The following TNPO3 variants were observed in gnomAD, a reference collection of about 807,000 sequenced individuals.
TNPO3 encodes the protein transportin-3.
In TNPO3, 65 loss-of-function variants were observed where a neutral mutation model predicts 122.8. The ratio of observed to expected loss-of-function variants is 0.53; its 90% CI spans 0.43 to 0.65. The LOEUF is 0.65. Ranked by LOEUF, TNPO3 falls within the 30% of genes least tolerant of loss-of-function variation. The probability of loss-of-function intolerance (pLI) is 0.00; values close to 1 mark genes in which losing one functional copy is unlikely to be tolerated. For synonymous variants in TNPO3, 372 were observed against 411.2 expected (o/e 0.90, Z 1.15); for missense variants, 850 against 1,136.7 (o/e 0.75, Z 3.63).
Position 129,005,066 on chromosome 7 carries a change from T to C in TNPO3, c.646A>G (p.Ser216Gly). The C allele has an allele frequency of 6.2e-7, 1 of 1,613,978 alleles. No individual in the cohort carries two copies. Among genetic ancestry groups the C allele is most frequent in the Non-Finnish European group, 8.5e-7 (1 of 1,179,910 alleles). ...GSWFNLGVLD[S>G]NFMANNKLLA... ...AATTTATTGTTAGCCATGAAGTTAC[T>C]GTCCAAAACTCCCAAGTTAAACCAA... is the stretch of plus-strand genomic sequence containing the variant. The change falls in exon 5 of 23, where the codon AGT becomes GGT. Residue 216 changes from serine to glycine, a missense_variant. Coordinates refer to ENST00000265388, the MANE Select transcript of TNPO3 (RefSeq NM_012470.4).
chr7:128,960,565 T>C (rs1797341141), intron 21 of TNPO3, among the ~76,000 whole-genome samples: 6 of 131,032 alleles, frequency 4.6e-5, no homozygotes, highest in Admixed American at 4.5e-4. Context: ...CAAAAAAGTT[T>C]AAAAGCTAAA....
chr7:129,044,517 A>G (rs10156169), intron 1 of TNPO3, among the ~76,000 whole-genome samples: 97,224 of 152,124 alleles, frequency 0.64, 31,428 homozygotes, highest in Middle Eastern at 0.71. Flanking sequence ...TACCAGAAGA[A>G]GAAAATTAAA....
chr7:129,030,642 A>G (rs1265192991), intron 1 of TNPO3: 1 of 152,064 alleles, frequency 6.6e-6, no homozygotes, highest in African/African-American at 2.4e-5. Context: ...TGGGTCACAC[A>G]TTATTTGTGT....
chr7:129,013,976 G>A (rs55900917), intron 4 of TNPO3, among the ~76,000 whole-genome samples: 6,758 of 152,158 alleles, frequency 0.044, 205 homozygotes, highest in Middle Eastern at 0.1. Context: ...GAAGGGTAAC[G>A]GGGAGGGGAC....
chr7:128,972,983 G>A (rs1798646521), intron 18 of TNPO3, among the ~76,000 whole-genome samples: 1 of 152,022 alleles, frequency 6.6e-6, no homozygotes, highest in South Asian at 2.1e-4. Flanking sequence ...CAAATTTGCA[G>A]TGAACCTAAA....
chr7:128,993,956 C>T (rs767154207), intron 8 of TNPO3, 42 bp from the exon 9 acceptor site: 32 of 1,547,984 alleles, frequency 2.1e-5, no homozygotes, highest in East Asian at 6.7e-5. Flanking sequence ...AAACTCACTG[C>T]GGCTTTCAAT....
rs374776250 is a variant in TNPO3 at position 128,967,398 on chromosome 7, T to G, written c.2599-6A>C. Reference sequence around the variant, plus strand: ...TCTAACCATCGACAAAAAGTCTGTATAGGAAAGAGGGGTAAGAGTTTTAAA... The same window carrying G: ...TCTAACCATCGACAAAAAGTCTGTAGAGGAAAGAGGGGTAAGAGTTTTAAA... On this transcript the variant is annotated splice_polypyrimidine_tract_variant and splice_region_variant and intron_variant, in intron 20 of 22. Coordinates refer to ENST00000265388, the MANE Select transcript of TNPO3 (RefSeq NM_012470.4). 1.3e-6 allele frequency: 2 copies of G among 1,588,706 alleles called. No homozygotes were observed. The highest frequency in any genetic ancestry group is 1.7e-6 in the Non-Finnish European group (2 of 1,156,980).
intron 4 of TNPO3, among the ~76,000 whole-genome samples, chr7:129,009,689 A>C (rs1802970682): frequency 6.6e-6 from 1 of 152,246 alleles, no homozygotes; most frequent in Non-Finnish European, 1.5e-5. Context: ...TAAATTCACA[A>C]GTGCTTACAA....
At chr7:128,994,298 C>T (rs1801065657) in intron 8 of TNPO3, among the ~76,000 whole-genome samples, 2 of 152,062 alleles carry the variant, frequency 1.3e-5, no homozygotes, top group Admixed American at 1.3e-4. Flanking sequence ...ACTGGGATTA[C>T]AGACACACGC....
intron 4 of TNPO3, among the ~76,000 whole-genome samples, chr7:129,007,596 T>C (rs1802710002): frequency 6.6e-6 from 1 of 152,368 alleles, no homozygotes; most frequent in South Asian, 2.1e-4. Context: ...GCTTGAAGTA[T>C]ACATCATTTG....
At chr7:129,023,247 G>A (rs893819823) in intron 1 of TNPO3, among the ~76,000 whole-genome samples, 1 of 152,026 alleles carries the variant, frequency 6.6e-6, no homozygotes, top group East Asian at 1.9e-4. Flanking sequence ...TTATAGTGCT[G>A]TAGTTGAAAA....
intron 21 of TNPO3, among the ~76,000 whole-genome samples, chr7:128,959,951 G>C (rs1037643604): frequency 6.6e-6 from 1 of 152,172 alleles, no homozygotes; most frequent in Non-Finnish European, 1.5e-5. Flanking sequence ...AACCCAGGGG[G>C]TGGAGGTTGC....
chr7:129,015,993 C>T (rs1173674141), intron 3 of TNPO3, among the ~76,000 whole-genome samples: 3 of 151,670 alleles, frequency 2.0e-5, no homozygotes, highest in Non-Finnish European at 4.4e-5. Flanking sequence ...GTGGGAGGAT[C>T]ACTTGAGCCC....
At chr7:128,955,415 T>C in intron 22 of TNPO3, 30 bp from the exon 23 acceptor site, 1 of 444,812 alleles carries the variant, frequency 2.2e-6, no homozygotes, top group South Asian at 1.6e-5. Flanking sequence ...AGTCAATAAC[T>C]GCACCAGAAA....
intron 5 of TNPO3, among the ~76,000 whole-genome samples, chr7:129,003,296 G>GTTTTTTTTTTTTTTTTTT (rs1299743179): frequency 9.3e-6 from 1 of 107,734 alleles, no homozygotes. Context: ...TAATTTTTAG[G>GTTTTTTTTTTTTTTTTTT]GTTTTTTTTT....
chr7:128,990,033 C>A lies in TNPO3; in HGVS notation c.1426G>T (p.Ala476Ser). The A allele has an allele frequency of 6.2e-7, 1 of 1,614,206 alleles. No homozygotes were observed. Among genetic ancestry groups the A allele is most frequent in the Non-Finnish European group, 8.5e-7 (1 of 1,180,044 alleles). The change falls in exon 11 of 23, where the codon GCT (alanine) becomes TCT (serine). Residue 476 changes from alanine (A) to serine (S), a missense_variant. Physicochemically the swap from Ala to Ser is moderately conservative, Grantham distance 99 (BLOSUM62 1). Coordinates refer to ENST00000265388, the MANE Select transcript of TNPO3 (RefSeq NM_012470.4). ...VVRLPETVHT[A>S]VRYTSIELVG... is the part of the protein sequence containing the mutation. ...AATTCAATGCTGGTGTATCGCACAGCCGTATGTACGGTCTCCGGGAGGCGG... is the reference window on the plus strand; with the variant it reads ...AATTCAATGCTGGTGTATCGCACAGACGTATGTACGGTCTCCGGGAGGCGG...
At chr7:128,981,950 GA>G (rs1444529239) in intron 14 of TNPO3, among the ~76,000 whole-genome samples, 2 of 152,004 alleles carry the variant, frequency 1.3e-5, no homozygotes, top group Non-Finnish European at 2.9e-5. Context: ...GGCTGGTGTC[GA>G]ACTCCTGAGC....
chr7:129,042,907 TCTC>T (rs1314099914), intron 1 of TNPO3, among the ~76,000 whole-genome samples: 6 of 150,910 alleles, frequency 4.0e-5, no homozygotes, highest in Admixed American at 6.6e-5. Context: ...TAATCATAAA[TCTC>T]CTAGCAAGCT....
intron 1 of TNPO3, among the ~76,000 whole-genome samples, chr7:129,030,782 A>C (rs1805844565): frequency 6.6e-6 from 1 of 152,112 alleles, no homozygotes; most frequent in Non-Finnish European, 1.5e-5. Flanking sequence ...GTTCCTATGG[A>C]AACTATTTAA....
Sources: allele counts gnomAD v4.1 joint callset (sites outside exome capture counted in the v4.1 genomes callset), GRCh38; gene constraint gnomAD v4.1.1; transcripts MANE v1.5; gene names NCBI Gene and HGNC (gene_info 2026-07-23, HGNC 2026-07-21).